The following DPYD variants were observed in gnomAD, a reference collection of about 807,000 sequenced individuals.
DPYD encodes dihydropyrimidine dehydrogenase.
In DPYD, 109 loss-of-function variants were observed where a neutral mutation model predicts 116.2. That is an observed-to-expected ratio of 0.94 (90% CI 0.80 to 1.10). The LOEUF is 1.10. Among genes scored for constraint, DPYD ranks in the 50% least tolerant of loss-of-function variants. DPYD has a pLI of 0.00. For missense variants in DPYD, 1,302 were observed against 1,254.5 expected, an observed-to-expected ratio of 1.04 and a Z score of -0.57; for synonymous variants, 440 against 432.0, an observed-to-expected ratio of 1.02 and a Z score of -0.23.
At chr1:97,840,816 T>C (rs1412792252) in intron 2 of DPYD, among the ~76,000 whole-genome samples, 7 of 152,130 alleles carry the variant, frequency 4.6e-5, no homozygotes, top group Admixed American at 6.5e-5. Context: ...TTTTTCTCAA[T>C]AGGTTTATTT....
rs1388209181 is a variant in DPYD at position 97,461,474 on chromosome 1, C to T, written c.1741-11251G>A. ...CGGGCAACACACACCTCTGTTTTGG[C>T]TACCTTAGGGAACCTTCCTCACCAA... On this transcript the variant is annotated intron_variant, in intron 13 of 22. Transcript: ENST00000370192. Among the ~76,000 whole-genome samples the T allele has an allele frequency of 3.3e-5, 5 of 152,176 alleles. No homozygotes were observed. In the South Asian group the frequency reaches 1.0e-3, roughly 32 times the overall value.
At chr1:97,412,244 G>A (rs1027385553) in intron 14 of DPYD, among the ~76,000 whole-genome samples, 1 of 152,100 alleles carries the variant, frequency 6.6e-6, no homozygotes, top group Non-Finnish European at 1.5e-5. Flanking sequence ...AAAACTTGAC[G>A]CATTTTGAAG....
intron 14 of DPYD, among the ~76,000 whole-genome samples, chr1:97,391,889 GATC>G (rs1250378777): frequency 6.6e-6 from 1 of 151,950 alleles, no homozygotes; most frequent in African/African-American, 2.4e-5. Context: ...GAATTCTCTT[GATC>G]ATATGTCTGT....
chr1:97,163,785 T>C (rs1196813082), intron 20 of DPYD, among the ~76,000 whole-genome samples: 1 of 152,124 alleles, frequency 6.6e-6, no homozygotes, highest in Non-Finnish European at 1.5e-5. Context: ...AAAGACCACA[T>C]CTCTTACTAC....
At chr1:97,476,336 T>C (rs994903258) in intron 13 of DPYD, among the ~76,000 whole-genome samples, 4 of 152,156 alleles carry the variant, frequency 2.6e-5, no homozygotes, top group African/African-American at 9.7e-5. Flanking sequence ...ATAAAATGTG[T>C]TCAAAACCAA....
intron 16 of DPYD, among the ~76,000 whole-genome samples, chr1:97,364,975 T>G (rs895681529): frequency 6.6e-6 from 1 of 152,184 alleles, no homozygotes; most frequent in Admixed American, 6.5e-5. Context: ...GCAGGAAGCG[T>G]GTACAAATTT....
chr1:97,097,386 G>T (rs543839072), intron 21 of DPYD, among the ~76,000 whole-genome samples: 1 of 152,204 alleles, frequency 6.6e-6, no homozygotes, highest in East Asian at 1.9e-4. Context: ...TGCTAAAGAT[G>T]AATTTCAGTG....
chr1:97,186,863 A>C (rs1205661104), intron 20 of DPYD, among the ~76,000 whole-genome samples: 1 of 152,130 alleles, frequency 6.6e-6, no homozygotes, highest in African/African-American at 2.4e-5. Context: ...AATAAATAAA[A>C]ATAAATTAAA....
intron 3 of DPYD, among the ~76,000 whole-genome samples, chr1:97,781,775 G>A (rs1407887360): frequency 6.6e-6 from 1 of 152,124 alleles, no homozygotes; most frequent in Non-Finnish European, 1.5e-5. Flanking sequence ...ATTTTAACAA[G>A]TCAACTCACA....
chr1:97,795,374 A>G (rs1197948896), intron 3 of DPYD, among the ~76,000 whole-genome samples: 1 of 152,092 alleles, frequency 6.6e-6, no homozygotes, highest in Admixed American at 6.5e-5. Flanking sequence ...CTAAAAGTGT[A>G]TAATTTATAG....
At chr1:97,427,973 A>C (rs1674967411) in intron 14 of DPYD, among the ~76,000 whole-genome samples, 1 of 152,148 alleles carries the variant, frequency 6.6e-6, no homozygotes. Context: ...TGTGCAATTC[A>C]AAGATGCCTA....
At chr1:97,906,594 A>C (rs1371813825) in intron 1 of DPYD, among the ~76,000 whole-genome samples, 3 of 152,096 alleles carry the variant, frequency 2.0e-5, no homozygotes, top group Non-Finnish European at 4.4e-5. Flanking sequence ...AAATGTATAC[A>C]GGAGTCCACC....
At chr1:97,615,589 T>G in intron 8 of DPYD, among the ~76,000 whole-genome samples, 1 of 152,240 alleles carries the variant, frequency 6.6e-6, no homozygotes, top group Non-Finnish European at 1.5e-5. Flanking sequence ...CTCCTCAGTC[T>G]CACTAATATT....
At chr1:97,280,044 G>A (rs895538454) in intron 18 of DPYD, 1 of 152,080 alleles carries the variant, frequency 6.6e-6, no homozygotes, top group East Asian at 1.9e-4. Context: ...ACTCACATTT[G>A]TCAGCCACAG....
Position 97,849,340 on chromosome 1 carries a change from T to C in DPYD, c.151-21144A>G, listed in dbSNP as rs117216173. Reference sequence around the variant, plus strand: ...CAAGTGATTCTATTTGCTTTTGTTCTATGTATATGTATTTCCTGAATTCTG... The same window carrying C: ...CAAGTGATTCTATTTGCTTTTGTTCCATGTATATGTATTTCCTGAATTCTG... On this transcript the variant is annotated intron_variant, in intron 2 of 22. Transcript: ENST00000370192. 1.4e-3 allele frequency among the ~76,000 whole-genome samples: 210 copies of C among 152,344 alleles called. 6 individuals are homozygous for C. The East Asian group carries it at 0.036, about 26-fold the overall frequency.
chr1:97,285,970 T>C (rs1240624836), intron 18 of DPYD, among the ~76,000 whole-genome samples: 2 of 152,208 alleles, frequency 1.3e-5, no homozygotes, highest in Non-Finnish European at 2.9e-5. Context: ...ATTATGATGT[T>C]AGCTGGTTAT....
chr1:97,268,692 G>C (rs1664386757), intron 18 of DPYD, among the ~76,000 whole-genome samples: 1 of 152,122 alleles, frequency 6.6e-6, no homozygotes, highest in Non-Finnish European at 1.5e-5. Flanking sequence ...AAAGTCTCAA[G>C]ATAGTGCAGG....
At chr1:97,634,958 A>G (rs993961476) in intron 8 of DPYD, among the ~76,000 whole-genome samples, 2 of 151,638 alleles carry the variant, frequency 1.3e-5, no homozygotes, top group Non-Finnish European at 2.9e-5. Flanking sequence ...ATCTATAGCT[A>G]GAGATAAAGG....
rs1648935089 is a variant in DPYD, at chr1:97,078,466, G to C, written c.*510C>G. On this transcript the variant is annotated 3_prime_UTR_variant, in exon 23 of 23. Coordinates refer to ENST00000370192, the MANE Select transcript of DPYD (RefSeq NM_000110.4). Reference sequence around the variant, plus strand: ...ATCCTGCCATAGCAAATAATTTTTTGACTTTCTTCATTTGTACTTTATGGA... The same window carrying C: ...ATCCTGCCATAGCAAATAATTTTTTCACTTTCTTCATTTGTACTTTATGGA... The C allele has an allele frequency of 5.8e-6, 1 of 171,528 alleles. No homozygotes were observed. Among genetic ancestry groups the C allele is most frequent in the South Asian group, 1.3e-4 (1 of 7,650 alleles). 10.6% of individuals were successfully genotyped at this position (171,528 alleles called of 1,614,324 possible). A position where few individuals can be genotyped will look rare whatever the true frequency, so the allele number is the denominator to read the frequency against.
Sources: gnomAD v4.1 joint callset for allele counts (sites outside exome capture counted in the v4.1 genomes callset) on GRCh38, gnomAD v4.1.1 for gene constraint, MANE v1.5 for transcripts, NCBI Gene and HGNC (gene_info 2026-07-23, HGNC 2026-07-21) for gene names.